The following SESTD1 variants were observed in gnomAD, a reference collection of about 807,000 sequenced individuals.
SESTD1 encodes SEC14 and spectrin domain containing 1.
Under a neutral mutation model 101.7 loss-of-function variants are expected in SESTD1, and 43 were observed. That is an observed-to-expected ratio of 0.42 (90% confidence interval 0.33 to 0.55). The LOEUF (loss-of-function observed/expected upper bound fraction) is 0.55, where lower values mean the gene tolerates loss of function less well. SESTD1 is among the 20% of genes least tolerant of loss of function. The pLI, the probability that SESTD1 is intolerant of heterozygous loss-of-function variation, is 0.07. For missense variants in SESTD1, 647 were observed against 815.1 expected, an observed-to-expected ratio of 0.79 and a Z score of 2.51; for synonymous variants, 283 against 286.8, an observed-to-expected ratio of 0.99 and a Z score of 0.13.
At chr2:179,171,078 T>C (rs1056953196) in intron 5 of SESTD1, among the ~76,000 whole-genome samples, 6 of 152,114 alleles carry the variant, frequency 3.9e-5, no homozygotes, top group African/African-American at 1.4e-4. Context: ...GGGCTAGAAA[T>C]GGAGAAGTTA....
Position 179,108,882 on chromosome 2 carries a change from A to G in SESTD1, c.*1017T>C, listed in dbSNP as rs1360667185. 3.9e-5 allele frequency: 6 copies of G among 152,196 alleles called. No homozygotes were observed. The South Asian group carries it at 1.2e-3, about 32-fold the overall frequency. The allele number at this position is 152,196 out of a possible 1,614,324, so 9.4% of individuals were successfully genotyped here. The stretch of plus-strand genomic sequence containing the variant: ...ACTTCAGAATTTATTTTGCTTTTAG[A>G]CTATAATGAGAAACTAAATTTTATT... On this transcript the variant is annotated 3_prime_UTR_variant, in exon 18 of 18. Coordinates refer to ENST00000428443, the MANE Select transcript of SESTD1 (RefSeq NM_178123.5).
rs918290810 is a variant in SESTD1, at chr2:179,104,560, C to A, written c.*5339G>T. 1 of 152,276 alleles carries A rather than the reference C, an allele frequency of 6.6e-6. No homozygotes were observed. Among genetic ancestry groups the A allele is most frequent in the East Asian group, 1.9e-4 (1 of 5,172 alleles). 9.4% of individuals were successfully genotyped at this position (152,276 alleles called of 1,614,324 possible). On this transcript the variant is annotated 3_prime_UTR_variant, in exon 18 of 18. Coordinates refer to ENST00000428443, the MANE Select transcript of SESTD1 (RefSeq NM_178123.5). ...CTCCCCCAAGACAGAAGCATTTGGA[C>A]ACCCTAAAGACATGGTATTCAGCTT...
In SESTD1 at chr2:179,131,596, A is replaced by G. The variant is rs2045014434; in HGVS notation, c.972+708T>C. On this transcript the variant is annotated intron_variant, in intron 10 of 17. Coordinates refer to ENST00000428443, the MANE Select transcript of SESTD1 (RefSeq NM_178123.5). ...ACCAAAGTAATATGACCTTAGGGAG[A>G]GGGGGGTGAGCTACCCCGTCCACAA... Among the ~76,000 whole-genome samples, 3 of 152,112 alleles carry G rather than the reference A, an allele frequency of 2.0e-5. No homozygotes were observed. In the South Asian group the frequency reaches 6.2e-4, roughly 32 times the overall value.
At chr2:179,116,853 T>G in intron 14 of SESTD1, 63 bp from the exon 15 acceptor site, 1 of 1,570,902 alleles carries the variant, frequency 6.4e-7, no homozygotes, top group East Asian at 2.3e-5. Flanking sequence ...TATCAAAATG[T>G]CATTTATACA....
chr2:179,180,161 T>C (rs951367773), intron 3 of SESTD1, among the ~76,000 whole-genome samples: 2 of 152,138 alleles, frequency 1.3e-5, no homozygotes, highest in Non-Finnish European at 2.9e-5. Context: ...AAGAAATGCT[T>C]CCATTCTCAA....
At chr2:179,162,822 TAA>T (rs33960106) in intron 5 of SESTD1, among the ~76,000 whole-genome samples, 22,139 of 137,010 alleles carry the variant, frequency 0.16, 2,770 homozygotes, top group African/African-American at 0.37. Flanking sequence ...TCGTCTCTAG[TAA>T]AAAAAAAAAA....
intron 5 of SESTD1, among the ~76,000 whole-genome samples, chr2:179,171,492 C>G (rs1032135057): frequency 5.3e-5 from 8 of 152,090 alleles, no homozygotes; most frequent in African/African-American, 1.9e-4. Context: ...TTGTATTCTT[C>G]AAAGTTCCCA....
At chr2:179,145,238 G>C (rs1371563944) in intron 8 of SESTD1, among the ~76,000 whole-genome samples, 1 of 151,684 alleles carries the variant, frequency 6.6e-6, no homozygotes, top group African/African-American at 2.4e-5. Flanking sequence ...TATTTTTCTT[G>C]TCGATATCAT....
chr2:179,186,454 C>A (rs2046234239), intron 2 of SESTD1, among the ~76,000 whole-genome samples: 1 of 152,070 alleles, frequency 6.6e-6, no homozygotes, highest in Non-Finnish European at 1.5e-5. Flanking sequence ...GATATTAACT[C>A]CTCCAGTGTA....
At chr2:179,112,533 T>C (rs2154393671) in intron 17 of SESTD1, among the ~76,000 whole-genome samples, 191 bp downstream of exon 17, 1 of 152,350 alleles carries the variant, frequency 6.6e-6, no homozygotes, top group Middle Eastern at 3.4e-3. Flanking sequence ...ACGCATCTGT[T>C]GTTGGCAAGT....
chr2:179,104,021 A>G lies in SESTD1; in HGVS notation c.*5878T>C, dbSNP rs1489246395. On this transcript the variant is annotated 3_prime_UTR_variant, in exon 18 of 18. Coordinates refer to ENST00000428443, the MANE Select transcript of SESTD1 (RefSeq NM_178123.5). The stretch of plus-strand genomic sequence containing the variant: ...GCATCTAGGTAGTGAGTACACTATA[A>G]AATTATTTTAACTTTTTAATGTATT... 6.6e-6 allele frequency: 1 copy of G among 152,166 alleles called. No individual in the cohort carries two copies. Among genetic ancestry groups the G allele is most frequent in the Non-Finnish European group, 1.5e-5 (1 of 68,008 alleles). 9.4% of individuals were successfully genotyped at this position (152,166 alleles called of 1,614,324 possible).
Position 179,211,321 on chromosome 2 carries a change from T to C in SESTD1, c.-25-19455A>G, listed in dbSNP as rs1032299811. On this transcript the variant is annotated intron_variant, in intron 1 of 17. Transcript: ENST00000428443. Reference sequence around the variant, plus strand: ...ATTAGAAAAAAAATCCTAAAATTCATATGGAACAACAAAAAAAAGAGCCTG... The same window carrying C: ...ATTAGAAAAAAAATCCTAAAATTCACATGGAACAACAAAAAAAAGAGCCTG... 1.2e-4 allele frequency among the ~76,000 whole-genome samples: 16 copies of C among 131,860 alleles called. 3 individuals are homozygous for C. Among genetic ancestry groups the C allele is most frequent in the African/African-American group, 3.4e-4 (11 of 32,528 alleles). The allele number at this position is 131,860 out of a possible 152,430, so 86.5% of individuals were successfully genotyped here.
At chr2:179,132,207 C>T (rs1246603734) in intron 10 of SESTD1, 97 bp downstream of exon 10, 8 of 1,389,940 alleles carry the variant, frequency 5.8e-6, no homozygotes, top group Admixed American at 3.0e-5. Flanking sequence ...ATGCCCCATA[C>T]CAAAGTTTGC....
intron 1 of SESTD1, among the ~76,000 whole-genome samples, chr2:179,220,998 T>A (rs1450980523): frequency 2.0e-5 from 3 of 152,200 alleles, no homozygotes; most frequent in African/African-American, 7.2e-5. Flanking sequence ...AATTAATTTT[T>A]AGTGCCCAAA....
intron 3 of SESTD1, among the ~76,000 whole-genome samples, chr2:179,177,877 G>A (rs191180208): frequency 8.7e-4 from 132 of 152,302 alleles, no homozygotes; most frequent in Middle Eastern, 3.4e-3. Context: ...AAAAAAGAAT[G>A]AAGTACTGAC....
chr2:179,110,326 G>C (rs2044480231), intron 17 of SESTD1, among the ~76,000 whole-genome samples: 2 of 152,086 alleles, frequency 1.3e-5, no homozygotes, highest in Non-Finnish European at 2.9e-5. Context: ...GAAATATGTG[G>C]GTCCAGAAGG....
At position 179,173,823 on chromosome 2, in the gene SESTD1, T is replaced by C. The variant is rs928973137; in HGVS notation, c.256-1590A>G. ...ACACACCACACAATATATAAATGAA[T>C]GGGAATGGCTGAACTCCAATAAAAC... On this transcript the variant is annotated intron_variant, in intron 4 of 17. Coordinates refer to ENST00000428443, the MANE Select transcript of SESTD1 (RefSeq NM_178123.5). Among the ~76,000 whole-genome samples, 11 of 152,166 alleles carry C rather than the reference T, an allele frequency of 7.2e-5. 1 individual carries two copies. Among genetic ancestry groups the C allele is most frequent in the African/African-American group, 2.4e-4 (10 of 41,526 alleles).
intron 1 of SESTD1, among the ~76,000 whole-genome samples, chr2:179,244,255 A>G (rs1348312133): frequency 6.6e-6 from 1 of 152,126 alleles, no homozygotes; most frequent in Non-Finnish European, 1.5e-5. Flanking sequence ...TCAGGAGTTC[A>G]AAACCAGCCT....
At chr2:179,138,589 A>T (rs1464185246) in intron 9 of SESTD1, among the ~76,000 whole-genome samples, 1 of 152,182 alleles carries the variant, frequency 6.6e-6, no homozygotes, top group African/African-American at 2.4e-5. Context: ...TATGCCTGCT[A>T]ACAAAAACTA....
Sources: gnomAD v4.1 joint callset for allele counts (sites outside exome capture counted in the v4.1 genomes callset) on GRCh38, gnomAD v4.1.1 for gene constraint, MANE v1.5 for transcripts, NCBI Gene and HGNC (gene_info 2026-07-23, HGNC 2026-07-21) for gene names.